The following NAV3 variants were observed in gnomAD, a reference collection of about 807,000 sequenced individuals.
NAV3 encodes pore membrane and/or filament interacting like protein 1.
Under a neutral mutation model 244.7 loss-of-function variants are expected in NAV3, and 87 were observed. The ratio of observed to expected loss-of-function variants is 0.36; its 90% CI spans 0.30 to 0.42. The LOEUF is 0.42. NAV3 is among the 20% of genes least tolerant of loss of function. The pLI is 1.00. For missense variants in NAV3, 2,663 were observed against 2,893.3 expected, an observed-to-expected ratio of 0.92 and a Z score of 1.83; for synonymous variants, 1,126 against 1,042.2, an observed-to-expected ratio of 1.08 and a Z score of -1.55.
In NAV3 at chr12:77,796,845, G is replaced by GTT. The variant is rs146502457; in HGVS notation, c.73-143464_73-143463dup. Among the ~76,000 whole-genome samples, 122 of 149,082 alleles carry GTT rather than the reference G, an allele frequency of 8.2e-4. 2 individuals carry two copies. The highest frequency in any genetic ancestry group is 6.4e-4 in the South Asian group (3 of 4,704). On this transcript the variant is annotated intron_variant, in intron 2 of 8. Transcript: ENST00000550042. ...TAGCAATAAAGTATTTTTAATTAAG[G>GTT]TTTTTTTTTTTAAATATAATGCTAT...
At chr12:77,843,176 G>A (rs4761403) in intron 1 of NAV3, among the ~76,000 whole-genome samples, 63,526 of 151,894 alleles carry the variant, frequency 0.42, 14,791 homozygotes, top group Non-Finnish European at 0.51. Flanking sequence ...TCCTTTGGCT[G>A]GCTTTTTGAT....
chr12:77,916,079 TG>T (rs1384886353), intron 1 of NAV3, among the ~76,000 whole-genome samples: 3 of 151,998 alleles, frequency 2.0e-5, no homozygotes, highest in Admixed American at 6.6e-5. Context: ...CACTCTGAGA[TG>T]GTGATATTTG....
At chr12:77,661,747 G>A (rs536532380) in intron 2 of NAV3, among the ~76,000 whole-genome samples, 30 of 152,054 alleles carry the variant, frequency 2.0e-4, no homozygotes, top group Middle Eastern at 6.8e-3. Context: ...CATTCTAAGT[G>A]CTTTTTTCAT....
chr12:77,977,698 A>ACACT (rs1868719180), intron 5 of NAV3, among the ~76,000 whole-genome samples: 1 of 92,254 alleles, frequency 1.1e-5, no homozygotes, highest in East Asian at 3.1e-4. Context: ...ATACACACAC[A>ACACT]CACACACACA....
chr12:78,162,326 C>A (rs999695893), intron 23 of NAV3, among the ~76,000 whole-genome samples: 1 of 151,924 alleles, frequency 6.6e-6, no homozygotes, highest in African/African-American at 2.4e-5. Context: ...TCTATTTAGT[C>A]ATTCATCAAG....
intron 2 of NAV3, among the ~76,000 whole-genome samples, chr12:77,782,852 A>AT (rs1340922056): frequency 1.3e-5 from 2 of 151,908 alleles, no homozygotes; most frequent in Non-Finnish European, 2.9e-5. Context: ...GAATACTTTA[A>AT]TTTTTTTTCT....
chr12:77,859,577 C>T (rs1303922884), intron 1 of NAV3, among the ~76,000 whole-genome samples: 1 of 149,454 alleles, frequency 6.7e-6, no homozygotes, highest in African/African-American at 2.5e-5. Flanking sequence ...ATGTTACTAA[C>T]CTGCACAATG....
chr12:78,046,065 G>T (rs1341635731), intron 9 of NAV3, among the ~76,000 whole-genome samples: 2 of 152,246 alleles, frequency 1.3e-5, no homozygotes, highest in East Asian at 3.9e-4. Flanking sequence ...ATTTCTGTGG[G>T]ATCAGTGGTG....
intron 2 of NAV3, among the ~76,000 whole-genome samples, chr12:77,600,973 A>G (rs953645673): frequency 1.2e-4 from 18 of 152,004 alleles, no homozygotes; most frequent in African/African-American, 4.3e-4. Context: ...ATGAAAGAAG[A>G]TACAAATTAT....
chr12:77,587,184 T>G (rs567681831), intron 2 of NAV3, among the ~76,000 whole-genome samples: 10 of 152,250 alleles, frequency 6.6e-5, no homozygotes, highest in South Asian at 2.1e-4. Context: ...GATAATAAAT[T>G]TTCACTGTTG....
intron 1 of NAV3, among the ~76,000 whole-genome samples, chr12:77,881,210 C>A (rs1288972522): frequency 6.6e-6 from 1 of 152,124 alleles, no homozygotes; most frequent in Non-Finnish European, 1.5e-5. Flanking sequence ...ATGGATATAA[C>A]ACTTTTTAGT....
chr12:78,098,437 A>G (rs1394867924), intron 12 of NAV3, among the ~76,000 whole-genome samples: 1 of 151,956 alleles, frequency 6.6e-6, no homozygotes, highest in Non-Finnish European at 1.5e-5. Flanking sequence ...CTCACATGTC[A>G]TATATTAAGA....
intron 23 of NAV3, among the ~76,000 whole-genome samples, chr12:78,167,299 T>A (rs1319639955): frequency 6.6e-6 from 1 of 151,688 alleles, no homozygotes; most frequent in Admixed American, 6.6e-5. Context: ...AGTCAAGTAT[T>A]TGAAGACCCA....
intron 2 of NAV3, among the ~76,000 whole-genome samples, chr12:77,673,054 T>G (rs952188908): frequency 6.6e-6 from 1 of 152,202 alleles, no homozygotes; most frequent in Non-Finnish European, 1.5e-5. Context: ...ATTACTTGTA[T>G]GTCTGTTCAT....
At chr12:77,661,738 A>G (rs1434972587) in intron 2 of NAV3, among the ~76,000 whole-genome samples, 1 of 152,052 alleles carries the variant, frequency 6.6e-6, no homozygotes. Context: ...GTGAGACTAC[A>G]TTCTAAGTGC....
intron 15 of NAV3, among the ~76,000 whole-genome samples, chr12:78,121,629 G>A (rs1226640804): frequency 2.0e-5 from 3 of 152,094 alleles, no homozygotes; most frequent in African/African-American, 7.2e-5. Flanking sequence ...TCAAACTACT[G>A]ACTTTGAGTG....
At chr12:77,609,922 A>G (rs1014806139) in intron 2 of NAV3, among the ~76,000 whole-genome samples, 2 of 151,966 alleles carry the variant, frequency 1.3e-5, no homozygotes, top group African/African-American at 2.4e-5. Flanking sequence ...TTCATTTCCC[A>G]TACAATATCA....
In NAV3 at chr12:77,844,985, G is replaced by A. The variant is rs151038127; in HGVS notation, c.243+13281G>A. Among the ~76,000 whole-genome samples the A allele has an allele frequency of 4.6e-3, 694 of 152,156 alleles. 6 individuals carry two copies. Among genetic ancestry groups the A allele is most frequent in the African/African-American group, 0.016 (670 of 41,510 alleles). Reference sequence around the variant, plus strand: ...CGTACTGTTATAGCATCATAATAACGTTAAGACATTACCTATCATTTTTGG... The same window carrying A: ...CGTACTGTTATAGCATCATAATAACATTAAGACATTACCTATCATTTTTGG... On this transcript the variant is annotated intron_variant, in intron 1 of 39. Transcript: ENST00000397909.
intron 12 of NAV3, among the ~76,000 whole-genome samples, chr12:78,099,618 C>T (rs1566130155): frequency 1.3e-5 from 2 of 151,874 alleles, no homozygotes; most frequent in African/African-American, 4.8e-5. Context: ...ATATTCTAAA[C>T]TTATCACAAA....
Sources: gnomAD v4.1 joint callset for allele counts (sites outside exome capture counted in the v4.1 genomes callset) on GRCh38, gnomAD v4.1.1 for gene constraint, MANE v1.5 for transcripts, NCBI Gene and HGNC (gene_info 2026-07-23, HGNC 2026-07-21) for gene names.